PCSK2: variants seen among roughly 807,000 people sequenced by gnomAD.
PCSK2 encodes the protein neuroendocrine convertase 2.
In PCSK2, 14 loss-of-function variants were observed where a neutral mutation model predicts 69.7. That is an observed-to-expected ratio of 0.20 (90% confidence interval 0.13 to 0.31). The LOEUF is 0.31. PCSK2 is among the 10% of genes least tolerant of loss of function. The pLI is 1.00. For missense variants in PCSK2, 544 were observed against 842.5 expected, an observed-to-expected ratio of 0.65 and a Z score of 4.39; for synonymous variants, 307 against 320.7, an observed-to-expected ratio of 0.96 and a Z score of 0.46.
intron 2 of PCSK2, among the ~76,000 whole-genome samples, chr20:17,279,604 G>A (rs1045101322): frequency 7.9e-5 from 12 of 151,874 alleles, no homozygotes; most frequent in Admixed American, 3.9e-4. Context: ...TCCAGAGTTC[G>A]AGACCAGCCT....
At chr20:17,271,706 C>A (rs1987874420) in intron 2 of PCSK2, among the ~76,000 whole-genome samples, 1 of 152,060 alleles carries the variant, frequency 6.6e-6, no homozygotes, top group South Asian at 2.1e-4. Context: ...ATAATGGACG[C>A]CCTGGTTGCC....
chr20:17,260,372 C>A, intron 2 of PCSK2, 28 bp downstream of exon 2: 1 of 1,472,772 alleles, frequency 6.8e-7, no homozygotes, highest in Non-Finnish European at 9.5e-7. Context: ...ACCTGCCTCC[C>A]AATCTCTGCT....
intron 2 of PCSK2, among the ~76,000 whole-genome samples, chr20:17,314,957 A>G (rs1033973751): frequency 6.6e-6 from 1 of 152,212 alleles, no homozygotes; most frequent in African/African-American, 2.4e-5. Context: ...GATTTAGGAT[A>G]GACATAATGA....
chr20:17,285,063 G>A (rs1988465405), intron 2 of PCSK2, among the ~76,000 whole-genome samples: 2 of 152,182 alleles, frequency 1.3e-5, no homozygotes, highest in African/African-American at 4.8e-5. Flanking sequence ...GTCAGGATCA[G>A]TGCTCTGTGA....
chr20:17,465,457 G>A lies in PCSK2; in HGVS notation c.1334G>A (p.Gly445Glu). 6.2e-7 allele frequency: 1 copy of A among 1,614,106 alleles called. No individual in the cohort carries two copies. The highest frequency in any genetic ancestry group is 8.5e-7 in the Non-Finnish European group (1 of 1,179,990). Residue 445 changes from glycine to glutamate, a missense_variant, in exon 11 of 12, where the codon GGG (glycine) becomes GAG (glutamate). Transcript: ENST00000262545. ...GAATTTAATCACCTCTTTGGCTACG[G>A]GGTCCTTGATGCAGGTGCCATGGTG... ...GLEFNHLFGYGVLDAGAMVKM... is the reference protein window; with the variant it reads ...GLEFNHLFGYEVLDAGAMVKM...
Position 17,453,666 on chromosome 20 carries a change from C to T in PCSK2, c.886-76C>T, listed in dbSNP as rs1449335908. On this transcript the variant is annotated intron_variant, in intron 8 of 11. Coordinates refer to ENST00000262545, the MANE Select transcript of PCSK2 (RefSeq NM_002594.5). The surrounding 1 kb of genome is among the most constrained non-coding windows in gnomAD (Gnocchi z 4.0). Reference sequence around the variant, plus strand: ...GTTCAACTGCTGAAGAAGCCCAACCCCTGGGCTGGAGACCTCCCCTGCCCC... The same window carrying T: ...GTTCAACTGCTGAAGAAGCCCAACCTCTGGGCTGGAGACCTCCCCTGCCCC... 35 of 1,540,156 alleles carry T rather than the reference C, an allele frequency of 2.3e-5. No homozygotes were observed. The highest frequency in any genetic ancestry group is 3.0e-5 in the Non-Finnish European group (34 of 1,128,578).
rs943161415 is a variant in PCSK2, at chr20:17,482,776, C to T, written c.*706C>T. The T allele has an allele frequency of 6.6e-6, 1 of 152,494 alleles. No homozygotes were observed. Among genetic ancestry groups the T allele is most frequent in the African/African-American group, 2.4e-5 (1 of 41,434 alleles). The allele number at this position is 152,494 out of a possible 1,614,324, so 9.4% of individuals were successfully genotyped here. A position where few individuals can be genotyped will look rare whatever the true frequency, so the allele number is the denominator to read the frequency against. Reference sequence around the variant, plus strand: ...AACTTACAGAGCGTGGCTGTGCTCTCACCAGCTGCTGCTCTGAGTTATGTT... The same window carrying T: ...AACTTACAGAGCGTGGCTGTGCTCTTACCAGCTGCTGCTCTGAGTTATGTT... On this transcript the variant is annotated 3_prime_UTR_variant, in exon 12 of 12. Coordinates refer to ENST00000262545, the MANE Select transcript of PCSK2 (RefSeq NM_002594.5).
At chr20:17,427,401 G>A (rs568103913) in intron 6 of PCSK2, among the ~76,000 whole-genome samples, 19 of 152,178 alleles carry the variant, frequency 1.2e-4, no homozygotes, top group East Asian at 3.9e-4. Context: ...ACAGGGTTGC[G>A]CACAGGGCCT....
intron 11 of PCSK2, among the ~76,000 whole-genome samples, chr20:17,478,826 AT>A (rs1323228397): frequency 1.3e-5 from 2 of 152,284 alleles, no homozygotes; most frequent in African/African-American, 4.8e-5. Flanking sequence ...TAAATGTAAG[AT>A]TGTATTTTCA....
At chr20:17,229,016 C>T (rs1986044573) in intron 1 of PCSK2, among the ~76,000 whole-genome samples, 1 of 152,142 alleles carries the variant, frequency 6.6e-6, no homozygotes, top group Non-Finnish European at 1.5e-5. Flanking sequence ...AGAAGCCGAC[C>T]TTCCTTCTTC....
chr20:17,286,851 A>G (rs6136052), intron 2 of PCSK2, among the ~76,000 whole-genome samples: 13,185 of 152,212 alleles, frequency 0.087, 696 homozygotes, highest in African/African-American at 0.13. Context: ...GTTCTCCAGA[A>G]AAACAGAAGC....
chr20:17,446,949 A>G (rs1395216598), intron 8 of PCSK2, among the ~76,000 whole-genome samples: 1 of 152,088 alleles, frequency 6.6e-6, no homozygotes, highest in East Asian at 1.9e-4. Flanking sequence ...GCTCTTACAA[A>G]CCAATAAAAG....
In PCSK2 at chr20:17,360,438, T is replaced by A. The variant is rs576342534; in HGVS notation, c.397-94T>A. On this transcript the variant is annotated intron_variant, in intron 3 of 11. Transcript: ENST00000262545. The stretch of plus-strand genomic sequence containing the variant: ...TGGCCTTTGAGCTGGTCCTGAAATA[T>A]TAGATGGCTATAGAGTATGTCAAGT... 66 of 693,562 alleles carry A rather than the reference T, an allele frequency of 9.5e-5. No homozygotes were observed. The African/African-American group carries it at 9.9e-4, about 10-fold the overall frequency. 43.0% of individuals were successfully genotyped at this position (693,562 alleles called of 1,614,324 possible).
chr20:17,259,920 A>G (rs1987312971), intron 1 of PCSK2, among the ~76,000 whole-genome samples: 1 of 152,102 alleles, frequency 6.6e-6, no homozygotes, highest in African/African-American at 2.4e-5. Flanking sequence ...AATCTGATGC[A>G]GGTGTGAATG....
chr20:17,378,846 T>C (rs2031008990), intron 5 of PCSK2, among the ~76,000 whole-genome samples: 2 of 152,214 alleles, frequency 1.3e-5, no homozygotes, highest in South Asian at 2.1e-4. Context: ...TTTATGCAAA[T>C]ATAAGAAAAT....
chr20:17,227,239 T>G lies in PCSK2; in HGVS notation c.-67T>G. On this transcript the variant is annotated 5_prime_UTR_variant, in exon 1 of 12. Coordinates refer to ENST00000262545, the MANE Select transcript of PCSK2 (RefSeq NM_002594.5). Reference sequence around the variant, plus strand: ...ATATAAGAATTCTTTATTTGCACCCTCCCTCCGAGTCCCCTGCTCCGCCAG... The same window carrying G: ...ATATAAGAATTCTTTATTTGCACCCGCCCTCCGAGTCCCCTGCTCCGCCAG... The G allele has an allele frequency of 9.2e-7, 1 of 1,081,642 alleles. No individual in the cohort carries two copies. Among genetic ancestry groups the G allele is most frequent in the Non-Finnish European group, 1.4e-6 (1 of 710,728 alleles). 67.0% of individuals were successfully genotyped at this position (1,081,642 alleles called of 1,614,324 possible). A position where few individuals can be genotyped will look rare whatever the true frequency, so the allele number is the denominator to read the frequency against.
chr20:17,457,876 G>C (rs867921348), intron 10 of PCSK2, among the ~76,000 whole-genome samples: 12 of 152,158 alleles, frequency 7.9e-5, no homozygotes, highest in African/African-American at 2.2e-4. Flanking sequence ...CAGTCTTCTG[G>C]ATTTTTGACA....
At chr20:17,272,944 C>T (rs933463403) in intron 2 of PCSK2, among the ~76,000 whole-genome samples, 1 of 152,052 alleles carries the variant, frequency 6.6e-6, no homozygotes, top group African/African-American at 2.4e-5. Context: ...ACTAAAAGTA[C>T]CAGACCAACA....
chr20:17,446,830 A>G (rs192862985), intron 8 of PCSK2, among the ~76,000 whole-genome samples: 48 of 152,370 alleles, frequency 3.2e-4, no homozygotes, highest in Non-Finnish European at 5.1e-4. Flanking sequence ...ATATAATGGA[A>G]AAGTGTCTGC....
Sources: allele counts gnomAD v4.1 joint callset (sites outside exome capture counted in the v4.1 genomes callset), GRCh38; gene constraint gnomAD v4.1.1; non-coding constraint Gnocchi (gnomAD v3.1); transcripts MANE v1.5; gene names NCBI Gene and HGNC (gene_info 2026-07-23, HGNC 2026-07-21).